The following BMPR1B variants were observed in gnomAD, a reference collection of about 807,000 sequenced individuals.
BMPR1B encodes bone morphogenetic protein receptor type 1B, also known as bone morphogenetic protein receptor type-1B.
In BMPR1B, 12 loss-of-function variants were observed where a neutral mutation model predicts 59.1. That is an observed-to-expected ratio of 0.20 (90% CI 0.13 to 0.33). BMPR1B has a LOEUF of 0.33. Ranked by LOEUF, BMPR1B falls within the 10% of genes least tolerant of loss-of-function variation. The pLI is 1.00. For synonymous variants in BMPR1B, 237 were observed against 207.3 expected (o/e 1.14, Z -1.23); for missense variants, 550 against 610.9 (o/e 0.90, Z 1.05).
intron 1 of BMPR1B, among the ~76,000 whole-genome samples, chr4:94,841,567 A>C (rs150248050): frequency 0.12 from 18,326 of 152,060 alleles, 1,154 homozygotes; most frequent in Non-Finnish European, 0.13. Flanking sequence ...AGGAAAGGGA[A>C]CTCGCTGACC....
intron 1 of BMPR1B, among the ~76,000 whole-genome samples, chr4:94,868,382 G>A (rs1419086962): frequency 1.3e-5 from 2 of 151,838 alleles, no homozygotes; most frequent in African/African-American, 4.8e-5. Flanking sequence ...ATATTGACAG[G>A]CTGGTCTTGA....
chr4:95,043,490 T>G (rs1467209947), intron 3 of BMPR1B, among the ~76,000 whole-genome samples: 1 of 152,218 alleles, frequency 6.6e-6, no homozygotes, highest in Non-Finnish European at 1.5e-5. Flanking sequence ...TGAATTGTTT[T>G]GTAAACCTTT....
intron 2 of BMPR1B, among the ~76,000 whole-genome samples, chr4:94,985,932 G>A (rs1231061160): frequency 5.9e-5 from 9 of 152,180 alleles, no homozygotes; most frequent in Non-Finnish European, 8.8e-5. Context: ...GAGTTGGACC[G>A]TAAGAGAGGT....
At chr4:94,788,263 C>T (rs757937450) in intron 1 of BMPR1B, among the ~76,000 whole-genome samples, 1 of 152,102 alleles carries the variant, frequency 6.6e-6, no homozygotes, top group African/African-American at 2.4e-5. Context: ...TGACAGTGCA[C>T]CAGCAGGCAT....
intron 2 of BMPR1B, among the ~76,000 whole-genome samples, chr4:94,884,165 A>C (rs1578759493): frequency 6.6e-6 from 1 of 152,194 alleles, no homozygotes; most frequent in African/African-American, 2.4e-5. Flanking sequence ...GAAAGCCTTT[A>C]GTAGATTTTC....
intron 1 of BMPR1B, among the ~76,000 whole-genome samples, chr4:94,834,393 T>C (rs12511896): frequency 0.12 from 18,389 of 152,182 alleles, 1,170 homozygotes; most frequent in Non-Finnish European, 0.13. Context: ...ATTTTCTTCC[T>C]TATCCTTTGA....
chr4:94,880,635 AT>A (rs35455973), intron 2 of BMPR1B, among the ~76,000 whole-genome samples: 1,645 of 125,212 alleles, frequency 0.013, 11 homozygotes, highest in African/African-American at 0.032. Context: ...ATTAAAATGA[AT>A]TTTTTTTTTT....
chr4:95,090,209 T>TA (rs1258819384), intron 3 of BMPR1B, among the ~76,000 whole-genome samples: 1 of 151,938 alleles, frequency 6.6e-6, no homozygotes, highest in African/African-American at 2.4e-5. Flanking sequence ...TTTTGGCTAG[T>TA]AGGGAATTAG....
intron 12 of BMPR1B, among the ~76,000 whole-genome samples, chr4:95,153,254 AC>A (rs1388902034): frequency 2.0e-5 from 3 of 152,174 alleles, no homozygotes; most frequent in Non-Finnish European, 4.4e-5. Flanking sequence ...TGTGATTTGA[AC>A]AAATCCACCT....
chr4:94,770,045 C>G (rs1160553051), intron 1 of BMPR1B, among the ~76,000 whole-genome samples: 1 of 152,166 alleles, frequency 6.6e-6, no homozygotes, highest in Non-Finnish European at 1.5e-5. Context: ...GTAGAGTCTT[C>G]ACATCTATAA....
intron 2 of BMPR1B, among the ~76,000 whole-genome samples, chr4:94,881,381 G>A (rs1269373791): frequency 1.3e-5 from 2 of 152,040 alleles, no homozygotes; most frequent in Non-Finnish European, 1.5e-5. Flanking sequence ...ATGTGTCCTC[G>A]GCAAGTTACT....
chr4:94,801,054 T>A (rs553870759), intron 1 of BMPR1B, among the ~76,000 whole-genome samples: 57 of 152,300 alleles, frequency 3.7e-4, no homozygotes, highest in Non-Finnish European at 7.2e-4. Flanking sequence ...AACAGAGACC[T>A]AGACCTAGAG....
At chr4:94,787,175 C>T (rs575259702) in intron 1 of BMPR1B, among the ~76,000 whole-genome samples, 258 of 152,212 alleles carry the variant, frequency 1.7e-3, no homozygotes, top group African/African-American at 5.6e-3. Context: ...CCTTAAAAGA[C>T]GTACTAAAGC....
intron 1 of BMPR1B, among the ~76,000 whole-genome samples, chr4:94,866,242 AT>A (rs1254509234): frequency 6.6e-6 from 1 of 152,092 alleles, no homozygotes; most frequent in East Asian, 1.9e-4. Context: ...GAGGATTAAC[AT>A]TTCTCTTCTC....
chr4:95,115,558 G>A, intron 5 of BMPR1B, 127 bp from the exon 6 acceptor site: 3 of 790,126 alleles, frequency 3.8e-6, no homozygotes, highest in Middle Eastern at 2.3e-4. Flanking sequence ...ACATATTTAA[G>A]GTGTTTGAGT....
chr4:94,960,579 A>G (rs1730316116), intron 2 of BMPR1B, among the ~76,000 whole-genome samples: 1 of 152,162 alleles, frequency 6.6e-6, no homozygotes, highest in Admixed American at 6.6e-5. Context: ...CAGAAAACCA[A>G]ATATCTTGGA....
chr4:95,044,586 C>T (rs1725898780), intron 3 of BMPR1B, among the ~76,000 whole-genome samples: 1 of 152,188 alleles, frequency 6.6e-6, no homozygotes, highest in South Asian at 2.1e-4. Context: ...TTTACCCCTT[C>T]CCACTCATGG....
chr4:95,021,710 T>C (rs1723991794), intron 3 of BMPR1B, among the ~76,000 whole-genome samples: 2 of 152,218 alleles, frequency 1.3e-5, no homozygotes, highest in South Asian at 2.1e-4. Context: ...TGCATATATT[T>C]ATAAGTCATA....
intron 4 of BMPR1B, among the ~76,000 whole-genome samples, chr4:95,112,146 C>T (rs1731673989): frequency 6.6e-6 from 1 of 152,050 alleles, no homozygotes; most frequent in African/African-American, 2.4e-5. Context: ...TACTACAGTT[C>T]CCTGATTCAT....
Sources: gnomAD v4.1 joint callset for allele counts (sites outside exome capture counted in the v4.1 genomes callset) on GRCh38, gnomAD v4.1.1 for gene constraint, MANE v1.5 for transcripts, NCBI Gene and HGNC (gene_info 2026-07-23, HGNC 2026-07-21) for gene names.